CCDC126: variants seen among roughly 807,000 people sequenced by gnomAD.
The protein encoded by CCDC126 is coiled-coil domain containing 126.
CCDC126 carries 5 observed loss-of-function variants against 11.7 expected under a neutral mutation model. The observed-to-expected ratio is 0.43, with a 90% CI of 0.22 to 0.90. The LOEUF (loss-of-function observed/expected upper bound fraction) is 0.90, where lower values mean the gene tolerates loss of function less well. Ranked by LOEUF, CCDC126 falls within the 40% of genes least tolerant of loss-of-function variation. CCDC126 has a pLI of 0.27. For synonymous variants in CCDC126, 60 were observed against 61.9 expected (o/e 0.97, Z 0.14); for missense variants, 150 against 163.1 (o/e 0.92, Z 0.44).
At chr7:23,612,633 A>T (rs1214960205) in intron 3 of CCDC126, among the ~76,000 whole-genome samples, 1 of 151,818 alleles carries the variant, frequency 6.6e-6, no homozygotes, top group Non-Finnish European at 1.5e-5. Context: ...TGTCTGCACC[A>T]CTGTACTCCA....
intron 3 of CCDC126, among the ~76,000 whole-genome samples, chr7:23,636,899 T>TG (rs761275305): frequency 0.032 from 1,847 of 57,852 alleles, 45 homozygotes; most frequent in Non-Finnish European, 0.049. Context: ...AGGAGGGAGG[T>TG]GGGGGGGTCA....
chr7:23,618,519 G>T, intron 3 of CCDC126, among the ~76,000 whole-genome samples: 1 of 150,406 alleles, frequency 6.6e-6, no homozygotes, highest in African/African-American at 2.5e-5. Flanking sequence ...CCCAACAACT[G>T]GAGACAAAGA....
intron 3 of CCDC126, chr7:23,619,302 A>G: frequency 3.8e-6 from 1 of 266,450 alleles, no homozygotes. Context: ...ACAAACCTGC[A>G]CATCTGAAGA....
In CCDC126 at chr7:23,611,496, G is replaced by A. The variant is rs146455372; in HGVS notation, c.181G>A (p.Ala61Thr). 4.4e-5 allele frequency: 71 copies of A among 1,614,006 alleles called. No individual in the cohort carries two copies. The African/African-American group carries it at 8.7e-4, about 20-fold the overall frequency. ...DLSKRYVKAL[A>T]EENKNTVDVE... ...AAGCAAAAGATATGTTAAAGCTCTA[G>A]CAGAGGAAAATAAGAACACAGTGGA... Residue 61 changes from alanine (A) to threonine (T), a missense_variant, in exon 3 of 4, where the codon GCA (alanine) becomes ACA (threonine). Transcript: ENST00000307471.
intron 3 of CCDC126, among the ~76,000 whole-genome samples, chr7:23,624,624 A>T (rs1782981454): frequency 6.6e-6 from 1 of 152,186 alleles, no homozygotes; most frequent in African/African-American, 2.4e-5. Flanking sequence ...TTTCCTAATA[A>T]AACTGTATTT....
intron 2 of CCDC126, among the ~76,000 whole-genome samples, chr7:23,604,701 A>G (rs1275720724): frequency 6.6e-6 from 1 of 152,140 alleles, no homozygotes; most frequent in South Asian, 2.1e-4. Context: ...ATAATTTCAT[A>G]TAGAAAATGA....
At chr7:23,602,360 T>C (rs1215940539) in intron 2 of CCDC126, 1 of 152,226 alleles carries the variant, frequency 6.6e-6, no homozygotes, top group Non-Finnish European at 1.5e-5. Flanking sequence ...GTATCTGATC[T>C]TGCCACTGCC....
At chr7:23,637,965 G>T (rs1472896668) in intron 3 of CCDC126, among the ~76,000 whole-genome samples, 51 of 92,244 alleles carry the variant, frequency 5.5e-4, no homozygotes, top group African/African-American at 1.7e-3. Flanking sequence ...GGAGGGAGGT[G>T]GGGGGGTCAG....
At chr7:23,631,254 T>C (rs777917398) in intron 3 of CCDC126, among the ~76,000 whole-genome samples, 3 of 151,958 alleles carry the variant, frequency 2.0e-5, no homozygotes, top group African/African-American at 7.3e-5. Context: ...GACAAACTTA[T>C]GATAAGACTG....
chr7:23,626,194 C>T (rs912166870), intron 3 of CCDC126, among the ~76,000 whole-genome samples: 2 of 151,842 alleles, frequency 1.3e-5, no homozygotes, highest in Non-Finnish European at 2.9e-5. Context: ...GTTGGGACTT[C>T]TGGTGTAAGC....
intron 3 of CCDC126, among the ~76,000 whole-genome samples, chr7:23,639,997 A>G (rs898438142): frequency 3.3e-5 from 5 of 151,502 alleles, no homozygotes; most frequent in Admixed American, 1.3e-4. Flanking sequence ...AGCCTGGCCA[A>G]CATGGTGAAA....
rs1037018494 is a variant in CCDC126, at chr7:23,643,957, G to A, written c.*842G>A. On this transcript the variant is annotated 3_prime_UTR_variant, in exon 4 of 4. Coordinates refer to ENST00000307471, the MANE Select transcript of CCDC126 (RefSeq NM_138771.4). ...TTTGAGTGTCTATGCTATCAGGAAA[G>A]CACATTATTTCCATATTTGGGTTAA... 1.3e-5 allele frequency: 2 copies of A among 152,086 alleles called. No individual in the cohort carries two copies. Among genetic ancestry groups the A allele is most frequent in the South Asian group, 4.1e-4 (2 of 4,830 alleles). 9.4% of individuals were successfully genotyped at this position (152,086 alleles called of 1,614,324 possible).
chr7:23,636,197 G>T (rs1278075121), intron 3 of CCDC126, among the ~76,000 whole-genome samples: 1 of 152,208 alleles, frequency 6.6e-6, no homozygotes, highest in Non-Finnish European at 1.5e-5. Context: ...GTGCAGTGGC[G>T]TGATCTCGGC....
intron 3 of CCDC126, among the ~76,000 whole-genome samples, chr7:23,623,219 C>T (rs1782953914): frequency 6.6e-6 from 1 of 151,760 alleles, no homozygotes; most frequent in South Asian, 2.1e-4. Flanking sequence ...GCCTCAGCCT[C>T]CCAAGGTGCT....
chr7:23,619,421 TA>T, intron 3 of CCDC126: 1 of 421,118 alleles, frequency 2.4e-6, no homozygotes. Context: ...AAGGATAGAT[TA>T]AAACCTACAA....
At chr7:23,616,264 A>G (rs1257826467) in intron 3 of CCDC126, among the ~76,000 whole-genome samples, 3 of 152,166 alleles carry the variant, frequency 2.0e-5, no homozygotes, top group Non-Finnish European at 4.4e-5. Context: ...CCTTCCAGTC[A>G]TCTCTGGCCT....
At chr7:23,601,129 A>C (rs1387386894) in intron 2 of CCDC126, among the ~76,000 whole-genome samples, 1 of 152,060 alleles carries the variant, frequency 6.6e-6, no homozygotes, top group African/African-American at 2.4e-5. Context: ...CATGCCTGTA[A>C]TCCCAGCGCT....
chr7:23,611,276 A>G lies in CCDC126; in HGVS notation c.-40A>G. ...CTTGATTTGTGGCTTACCTCAAGTTACCATTTTTCAGTCAAGTCTGTTTGT... is the reference window on the plus strand; with the variant it reads ...CTTGATTTGTGGCTTACCTCAAGTTGCCATTTTTCAGTCAAGTCTGTTTGT... On this transcript the variant is annotated 5_prime_UTR_variant, in exon 3 of 4. Coordinates refer to ENST00000307471, the MANE Select transcript of CCDC126 (RefSeq NM_138771.4). The G allele has an allele frequency of 6.3e-6, 8 of 1,276,006 alleles. No individual in the cohort carries two copies. The highest frequency in any genetic ancestry group is 9.1e-6 in the Non-Finnish European group (8 of 879,682). 79.0% of individuals were successfully genotyped at this position (1,276,006 alleles called of 1,614,324 possible). A position where few individuals can be genotyped will look rare whatever the true frequency, so the allele number is the denominator to read the frequency against.
intron 2 of CCDC126, among the ~76,000 whole-genome samples, chr7:23,600,235 T>C (rs1782512968): frequency 6.6e-6 from 1 of 152,232 alleles, no homozygotes; most frequent in Non-Finnish European, 1.5e-5. Context: ...GTCTCCCAAA[T>C]GTGCCATCTA....
Sources: gnomAD v4.1 joint callset for allele counts (sites outside exome capture counted in the v4.1 genomes callset) on GRCh38, gnomAD v4.1.1 for gene constraint, MANE v1.5 for transcripts, NCBI Gene and HGNC (gene_info 2026-07-23, HGNC 2026-07-21) for gene names.